Variants in HEATR5B observed in about 807,000 individuals in gnomAD.
The protein encoded by HEATR5B is HEAT repeat-containing protein 5B.
Under a neutral mutation model 224.1 loss-of-function variants are expected in HEATR5B, and 156 were observed. That is an observed-to-expected ratio of 0.70 (90% CI 0.61 to 0.80). HEATR5B has a LOEUF of 0.80. Among genes scored for constraint, HEATR5B ranks in the 30% least tolerant of loss-of-function variants. The probability of loss-of-function intolerance (pLI) is 0.00; values close to 1 mark genes in which losing one functional copy is unlikely to be tolerated. For synonymous variants in HEATR5B, 1,027 were observed against 893.0 expected, an observed-to-expected ratio of 1.15 and a Z score of -2.68; for missense variants, 2,323 against 2,535.5, an observed-to-expected ratio of 0.92 and a Z score of 1.80.
At chr2:37,064,147 CATT>C (rs1671447552) in intron 10 of HEATR5B, among the ~76,000 whole-genome samples, 1 of 152,144 alleles carries the variant, frequency 6.6e-6, no homozygotes, top group Admixed American at 6.6e-5. Context: ...TTTTACTAAA[CATT>C]ATCAAAATGC....
chr2:37,053,066 T>C (rs1670661022), intron 17 of HEATR5B, among the ~76,000 whole-genome samples: 1 of 152,090 alleles, frequency 6.6e-6, no homozygotes, highest in African/African-American at 2.4e-5. Context: ...TTTAAAGAAA[T>C]TACTCTGGAC....
chr2:37,036,531 G>A (rs1238922809), intron 21 of HEATR5B, among the ~76,000 whole-genome samples: 1 of 147,782 alleles, frequency 6.8e-6, no homozygotes, highest in Non-Finnish European at 1.5e-5. Context: ...TTTTTTTTGA[G>A]ACAGAGTTTC....
At position 37,049,758 on chromosome 2, in the gene HEATR5B, G is replaced by C. The variant is rs1160103225; in HGVS notation, c.2591C>G (p.Pro864Arg). The stretch of plus-strand genomic sequence containing the variant: ...CGCTGCACAACGTAAGATGGGGTTT[G>C]GGTTGTCCAGAGGACCCATAACCAG... ...LTLVMGPLDN[P>R]NPILRCAAGE... is the part of the protein sequence containing the mutation. Residue 864 changes from proline (P) to arginine (R), a missense_variant, in exon 18 of 36, where the codon CCA becomes CGA. Pro to Arg is a moderately radical substitution (Grantham distance 103). This residue lies in a region of HEATR5B where 170 missense variants were observed against 216.7 expected (regional missense o/e 0.78). Coordinates refer to ENST00000233099, the MANE Select transcript of HEATR5B (RefSeq NM_019024.3). 1.2e-6 allele frequency: 2 copies of C among 1,611,520 alleles called. No homozygotes were observed. Among genetic ancestry groups the C allele is most frequent in the Admixed American group, 3.4e-5 (2 of 59,652 alleles).
rs757515129 is a variant in HEATR5B, at chr2:37,002,504, G to A, written c.5119C>T (p.Pro1707Ser). The change falls in exon 32 of 36, where the codon CCT (proline) becomes TCT (serine). Residue 1707 changes from proline to serine, a missense_variant. Pro to Ser is a moderately conservative substitution (Grantham distance 74). Transcript: ENST00000233099. Reference sequence around the variant, plus strand: ...GTTGCAAACACAAGAGATTTTCCAGGAATGAGACCACCGCTGTCACCTCCT... The same window carrying A: ...GTTGCAAACACAAGAGATTTTCCAGAAATGAGACCACCGCTGTCACCTCCT... ...GEGGDSGGLI[P>S]GKSLVFATME... 1 of 1,614,088 alleles carries A rather than the reference G, an allele frequency of 6.2e-7. No individual in the cohort carries two copies. Among genetic ancestry groups the A allele is most frequent in the Non-Finnish European group, 8.5e-7 (1 of 1,180,004 alleles).
intron 26 of HEATR5B, among the ~76,000 whole-genome samples, chr2:37,014,427 G>A (rs113273075): frequency 0.16 from 24,479 of 151,452 alleles, 2,168 homozygotes; most frequent in African/African-American, 0.2. Flanking sequence ...CTCCCAAAGT[G>A]CTGGTATTAC....
intron 10 of HEATR5B, among the ~76,000 whole-genome samples, chr2:37,062,444 G>A (rs1179600053): frequency 2.0e-5 from 3 of 151,878 alleles, no homozygotes; most frequent in Non-Finnish European, 4.4e-5. Flanking sequence ...AAAAAAAGAA[G>A]TTGTCCTCTC....
Position 37,075,586 on chromosome 2 carries a change from C to T in HEATR5B, c.496G>A (p.Gly166Arg). ...ILMSLQKVLS[G>R]LGGAAASSHR... is the part of the protein sequence containing the mutation. ...GAGGAAGCTGCTGCACCACCCAGTC[C>T]ACTTAGAACTTTCTGTAGACTCATT... The change falls in exon 5 of 36, where the codon GGA becomes AGA. Residue 166 changes from glycine to arginine, a missense_variant. Gly to Arg is a moderately radical substitution (Grantham distance 125). Transcript: ENST00000233099. 6.2e-7 allele frequency: 1 copy of T among 1,613,564 alleles called. No individual in the cohort carries two copies. Among genetic ancestry groups the T allele is most frequent in the Admixed American group, 1.7e-5 (1 of 60,018 alleles).
chr2:37,083,436 C>G lies in HEATR5B; in HGVS notation c.-22G>C. ...CCATTACGGAAGTTTGAAATTCACA[C>G]CTTAAATTTAACAGAGTAAAAAATA... On this transcript the variant is annotated splice_region_variant and 5_prime_UTR_variant, in exon 2 of 36. Transcript: ENST00000233099. The G allele has an allele frequency of 6.2e-7, 1 of 1,600,864 alleles. No homozygotes were observed. Among genetic ancestry groups the G allele is most frequent in the Non-Finnish European group, 8.5e-7 (1 of 1,170,676 alleles).
Position 36,988,841 on chromosome 2 carries a change from G to A in HEATR5B, c.5716C>T (p.Gln1906Ter). 1 of 1,613,854 alleles carries A rather than the reference G, an allele frequency of 6.2e-7. No individual in the cohort carries two copies. The highest frequency in any genetic ancestry group is 8.5e-7 in the Non-Finnish European group (1 of 1,179,818). The stretch of plus-strand genomic sequence containing the variant: ...TGCTGGAAGACTGAGAGGAGAAGCT[G>A]GTAACATTTGGCTTGAACCTATATA... ...CDPWVQAKCY[Q>*]LLLSVFQHSN... Residue 1906 changes from glutamine (Q) to a stop codon, truncating the protein, a stop_gained, in exon 35 of 36, where the codon CAG becomes TAG. Transcript: ENST00000233099. LOFTEE classifies it high-confidence loss of function.
intron 10 of HEATR5B, among the ~76,000 whole-genome samples, chr2:37,062,872 G>T (rs565724673): frequency 3.8e-4 from 58 of 152,256 alleles, no homozygotes; most frequent in Middle Eastern, 6.8e-3. Context: ...GGTGTAACCT[G>T]GAATTCCTGG....
At chr2:36,995,988 T>A (rs1217452759) in intron 33 of HEATR5B, among the ~76,000 whole-genome samples, 1 of 150,822 alleles carries the variant, frequency 6.6e-6, no homozygotes, top group Non-Finnish European at 1.5e-5. Context: ...TGGGCTCAAG[T>A]GATCCTCCCA....
In HEATR5B at chr2:37,008,714, T is replaced by C. The variant is rs1667590305; in HGVS notation, c.4419A>G (p.Val1473=). Residue 1473 remains valine, a synonymous_variant, in exon 28 of 36, where the codon GTA becomes GTG. Transcript: ENST00000233099. ...GACTGAGTGTTGGTAGTTCAGGTTG[T>C]ACCAGTGTTATTAAACTATCTGGTG... ...ELPPDSLITL[V]QPELPTLSRL... is the part of the protein sequence containing the mutation. The C allele has an allele frequency of 6.2e-7, 1 of 1,614,134 alleles. No individual in the cohort carries two copies. Among genetic ancestry groups the C allele is most frequent in the Non-Finnish European group, 8.5e-7 (1 of 1,179,958 alleles).
chr2:37,052,062 A>G (rs953487046), intron 17 of HEATR5B, among the ~76,000 whole-genome samples: 3 of 152,142 alleles, frequency 2.0e-5, no homozygotes, highest in African/African-American at 7.2e-5. Flanking sequence ...TTCTATAATC[A>G]ATGCCTATAT....
chr2:37,010,978 G>A (rs903441625), intron 27 of HEATR5B, among the ~76,000 whole-genome samples: 4 of 151,636 alleles, frequency 2.6e-5, no homozygotes, highest in Admixed American at 1.3e-4. Context: ...TACAATGAGA[G>A]GGAAGTAAAA....
chr2:37,006,137 TA>T (rs74757210), intron 29 of HEATR5B, among the ~76,000 whole-genome samples: 4,471 of 152,328 alleles, frequency 0.029, 97 homozygotes, highest in East Asian at 0.12. Flanking sequence ...ACAAAGTTTT[TA>T]AATGGCAAGT....
chr2:37,002,022 T>C (rs537322369), intron 32 of HEATR5B, among the ~76,000 whole-genome samples: 60 of 152,304 alleles, frequency 3.9e-4, no homozygotes, highest in Non-Finnish European at 7.4e-5. Flanking sequence ...CAGAGTTTAG[T>C]TATTCCACTT....
chr2:37,003,260 CAAAAAAA>C (rs757178937), intron 31 of HEATR5B, among the ~76,000 whole-genome samples: 3 of 56,870 alleles, frequency 5.3e-5, no homozygotes, highest in Non-Finnish European at 9.2e-5. Context: ...GTCCCGCCCG[CAAAAAAA>C]AAAAAAAAAA....
chr2:37,015,692 G>A (rs1176696888), intron 26 of HEATR5B, among the ~76,000 whole-genome samples: 1 of 152,200 alleles, frequency 6.6e-6, no homozygotes, highest in Non-Finnish European at 1.5e-5. Context: ...AAGTGAGACA[G>A]CGTGATTTTA....
At chr2:36,984,162 T>G (rs1452650425) in intron 35 of HEATR5B, among the ~76,000 whole-genome samples, 1 of 120,620 alleles carries the variant, frequency 8.3e-6, no homozygotes, top group Non-Finnish European at 1.6e-5. Flanking sequence ...ATCAGGCCAC[T>G]GCACTCCAGC....
Sources: gnomAD v4.1 joint callset for allele counts (sites outside exome capture counted in the v4.1 genomes callset) on GRCh38, gnomAD v4.1.1 for gene constraint, gnomAD v4.1.1 regional missense constraint, MANE v1.5 for transcripts, NCBI Gene and HGNC (gene_info 2026-07-23, HGNC 2026-07-21) for gene names.